Variants in ZNF746 observed in about 807,000 individuals in gnomAD.
ZNF746 encodes parkin-interacting substrate.
ZNF746 carries 13 observed loss-of-function variants against 41.0 expected under a neutral mutation model. The ratio of observed to expected loss-of-function variants is 0.32; its 90% CI spans 0.21 to 0.50. ZNF746 has a LOEUF of 0.50. ZNF746 is among the 20% of genes least tolerant of loss of function. The pLI, the probability that ZNF746 is intolerant of heterozygous loss-of-function variation, is 0.98. For missense variants in ZNF746, 811 were observed against 922.9 expected (o/e 0.88, Z 1.57); for synonymous variants, 424 against 396.2 (o/e 1.07, Z -0.83).
intron 4 of ZNF746, among the ~76,000 whole-genome samples, chr7:149,483,134 T>C (rs1438240536): frequency 6.6e-6 from 1 of 152,184 alleles, no homozygotes; most frequent in East Asian, 1.9e-4. Flanking sequence ...ATAACTCCCA[T>C]ACATACTAAA....
chr7:149,495,051 CTTTTTT>C (rs1006996581), intron 1 of ZNF746, among the ~76,000 whole-genome samples: 2 of 152,004 alleles, frequency 1.3e-5, no homozygotes, highest in Non-Finnish European at 2.9e-5. Flanking sequence ...TTTCTTTTTT[CTTTTTT>C]TGTTTTTTAA....
Position 149,477,053 on chromosome 7 carries a change from G to T in ZNF746, c.758-6C>A. On this transcript the variant is annotated splice_region_variant and splice_polypyrimidine_tract_variant and intron_variant, in intron 5 of 6. Coordinates refer to ENST00000458143, the MANE Select transcript of ZNF746 (RefSeq NM_001394198.1). The stretch of plus-strand genomic sequence containing the variant: ...GGAAAAGTTGGAATGGACACCTGCG[G>T]TAAGGGGAGAGCAGAGCCGGTGGGT... The T allele has an allele frequency of 1.2e-6, 2 of 1,611,690 alleles. No homozygotes were observed. Among genetic ancestry groups the T allele is most frequent in the Non-Finnish European group, 1.7e-6 (2 of 1,178,974 alleles).
intron 4 of ZNF746, among the ~76,000 whole-genome samples, chr7:149,480,125 C>G (rs1420856524): frequency 2.0e-5 from 3 of 152,164 alleles, no homozygotes; most frequent in Non-Finnish European, 4.4e-5. Context: ...GGAACACACA[C>G]ACATTCTCAG....
chr7:149,484,709 A>T (rs2116659995), intron 4 of ZNF746, among the ~76,000 whole-genome samples: 1 of 152,270 alleles, frequency 6.6e-6, no homozygotes, highest in South Asian at 2.1e-4. Context: ...ATAAATATTT[A>T]AAAAGAAAAA....
intron 1 of ZNF746, among the ~76,000 whole-genome samples, chr7:149,495,384 T>C (rs1293163146): frequency 2.6e-5 from 4 of 152,220 alleles, no homozygotes; most frequent in African/African-American, 4.8e-5. Context: ...GACTTGTATA[T>C]GGACAGCAAC....
intron 1 of ZNF746, among the ~76,000 whole-genome samples, chr7:149,496,065 G>C (rs1430993952): frequency 6.6e-6 from 1 of 152,138 alleles, no homozygotes; most frequent in Admixed American, 6.5e-5. Flanking sequence ...CAGACGCCAA[G>C]AGTTTACTCC....
At chr7:149,493,423 A>G (rs935189095) in intron 3 of ZNF746, among the ~76,000 whole-genome samples, 4 of 152,164 alleles carry the variant, frequency 2.6e-5, no homozygotes, top group African/African-American at 4.8e-5. Context: ...TCACACAGAA[A>G]CCATTAGGAA....
At position 149,475,059 on chromosome 7, in the gene ZNF746, T is replaced by C. The variant is rs755670232; in HGVS notation, c.1308A>G (p.Pro436=). The C allele has an allele frequency of 6.3e-7, 1 of 1,585,826 alleles. No homozygotes were observed. Among genetic ancestry groups the C allele is most frequent in the South Asian group, 1.1e-5 (1 of 87,658 alleles). The change falls in exon 7 of 7, where the codon CCA becomes CCG. Residue 436 remains proline, a synonymous_variant. Transcript: ENST00000458143. ...CAGGGTATTTACAGGGTTCGTTGAA[T>C]GGCCTTGGGGCCTGGCTGGGGTCCA... ...AILDPSQAPR[P]FNEPCKYPGR...
Position 149,497,295 on chromosome 7 carries a change from A to G in ZNF746, c.24+218T>C, listed in dbSNP as rs1443401453. 6 of 984,860 alleles carry G rather than the reference A, an allele frequency of 6.1e-6. No homozygotes were observed. Among genetic ancestry groups the G allele is most frequent in the Non-Finnish European group, 7.2e-6 (6 of 829,750 alleles). The allele number at this position is 984,860 out of a possible 1,614,324, so 61.0% of individuals were successfully genotyped here. ...CGTGGGGCGGCCCGGGGCGGGGACA[A>G]CCGTTCCGCCAGCGCTCGGGTTCGG... On this transcript the variant is annotated intron_variant, in intron 1 of 6. Transcript: ENST00000458143. The surrounding 1 kb of genome is among the most constrained non-coding windows in gnomAD (Gnocchi z 4.2).
At position 149,474,284 on chromosome 7, in the gene ZNF746, TC is replaced by T. The variant is rs1490776242; in HGVS notation, c.*99del. On this transcript the variant is annotated 3_prime_UTR_variant, in exon 7 of 7. Transcript: ENST00000458143. This position sits in a 1 kb window ranked among gnomAD's most constrained non-coding sequence, Gnocchi z 6.3. ...GTTCAGCAACTTGGACATTTGGTTC[TC>T]CCCGTCCCGCGTCTGCCTGAAGCTT... is the stretch of plus-strand genomic sequence containing the variant. 1.6e-4 allele frequency: 228 copies of T among 1,382,946 alleles called. 3 individuals carry two copies. In the South Asian group the frequency reaches 2.9e-3, roughly 18 times the overall value. 85.7% of individuals were successfully genotyped at this position (1,382,946 alleles called of 1,614,324 possible). A position where few individuals can be genotyped will look rare whatever the true frequency, so the allele number is the denominator to read the frequency against.
chr7:149,487,034 T>A (rs1262697704), intron 4 of ZNF746, among the ~76,000 whole-genome samples: 4 of 152,216 alleles, frequency 2.6e-5, no homozygotes, highest in African/African-American at 4.8e-5. Flanking sequence ...TCCCTGTCGC[T>A]GGCATTACTG....
chr7:149,490,576 C>T (rs1800766734), intron 4 of ZNF746: 1 of 152,830 alleles, frequency 6.5e-6, no homozygotes, highest in Admixed American at 6.5e-5. Flanking sequence ...GCTTGCAGGT[C>T]TTGAAGGACT....
chr7:149,497,059 C>T lies in ZNF746; in HGVS notation c.24+454G>A, dbSNP rs1025980623. ...CTCTATATTCCCTTCCGCGCCGACC[C>T]CGGGAAGCTGGGCACGTAGTGGGAG... On this transcript the variant is annotated intron_variant, in intron 1 of 6. Coordinates refer to ENST00000458143, the MANE Select transcript of ZNF746 (RefSeq NM_001394198.1). This position sits in a 1 kb window ranked among gnomAD's most constrained non-coding sequence, Gnocchi z 4.2. 20 of 985,420 alleles carry T rather than the reference C, an allele frequency of 2.0e-5. No homozygotes were observed. In the African/African-American group the frequency reaches 3.1e-4, roughly 15 times the overall value. The allele number at this position is 985,420 out of a possible 1,614,324, so 61.0% of individuals were successfully genotyped here.
At position 149,473,475 on chromosome 7, in the gene ZNF746, G is replaced by A. The variant is rs1422321723; in HGVS notation, c.*909C>T. The A allele has an allele frequency of 6.6e-6, 1 of 152,224 alleles. No individual in the cohort carries two copies. Among genetic ancestry groups the A allele is most frequent in the African/African-American group, 2.4e-5 (1 of 41,454 alleles). 9.4% of individuals were successfully genotyped at this position (152,224 alleles called of 1,614,324 possible). On this transcript the variant is annotated 3_prime_UTR_variant, in exon 7 of 7. Coordinates refer to ENST00000458143, the MANE Select transcript of ZNF746 (RefSeq NM_001394198.1). ...GGTCACAGTAATGATCAAATGAGAT[G>A]CATTTTGAAAATAAGAAACTACCAC... is the stretch of plus-strand genomic sequence containing the variant.
intron 4 of ZNF746, among the ~76,000 whole-genome samples, chr7:149,485,039 T>C (rs1477412647): frequency 6.6e-6 from 1 of 151,882 alleles, no homozygotes; most frequent in Non-Finnish European, 1.5e-5. Context: ...TGGAATGCGC[T>C]CTTGTGATAG....
intron 3 of ZNF746, among the ~76,000 whole-genome samples, chr7:149,493,456 A>G (rs893587583): frequency 6.6e-6 from 1 of 152,180 alleles, no homozygotes; most frequent in African/African-American, 2.4e-5. Flanking sequence ...CCAGGAAGAA[A>G]CAGAGTCCAG....
chr7:149,474,840 G>T lies in ZNF746; in HGVS notation c.1527C>A (p.Gly509=). 1 of 1,414,070 alleles carries T rather than the reference G, an allele frequency of 7.1e-7. No individual in the cohort carries two copies. The highest frequency in any genetic ancestry group is 2.9e-5 in the East Asian group (1 of 34,000). 87.6% of individuals were successfully genotyped at this position (1,414,070 alleles called of 1,614,324 possible). A position where few individuals can be genotyped will look rare whatever the true frequency, so the allele number is the denominator to read the frequency against. ...CCCCACCGCTGCCGCCACCGCCGCC[G>T]CCACTGCCGCTGCCGCCACCGCCTG... ...PGTGGGGSGS[G]GGGGGSGGGS... The change falls in exon 7 of 7, where the codon GGC becomes GGA. Residue 509 remains glycine, a synonymous_variant. Transcript: ENST00000458143. The surrounding 1 kb of genome is among the most constrained non-coding windows in gnomAD (Gnocchi z 6.3).
chr7:149,480,033 C>T (rs117996727), intron 4 of ZNF746, among the ~76,000 whole-genome samples: 2,626 of 152,312 alleles, frequency 0.017, 34 homozygotes, highest in Middle Eastern at 0.11. Context: ...CTCAGGAGGC[C>T]CATTGTGGCC....
At chr7:149,492,005 C>G in intron 4 of ZNF746, 2 of 702,886 alleles carry the variant, frequency 2.8e-6, no homozygotes, top group East Asian at 5.4e-5. Context: ...AATACCAAAC[C>G]ATAAGGCTGA....
Sources: gnomAD v4.1 joint callset for allele counts (sites outside exome capture counted in the v4.1 genomes callset) on GRCh38, gnomAD v4.1.1 for gene constraint, Gnocchi (gnomAD v3.1) non-coding constraint, MANE v1.5 for transcripts, NCBI Gene and HGNC (gene_info 2026-07-23, HGNC 2026-07-21) for gene names.